The following CSNK2A2IP variants were observed in gnomAD, a reference collection of about 807,000 sequenced individuals.
The protein encoded by CSNK2A2IP is casein kinase II subunit alpha'-interacting protein.
the CSNK2A2IP span, among the ~76,000 whole-genome samples, chr3:88,403,563 C>T: frequency 6.6e-6 from 1 of 152,088 alleles, no homozygotes; most frequent in African/African-American, 2.4e-5. Context: ...AATCATCAGC[C>T]CATCACAGAC....
At chr3:88,442,950 A>G in the CSNK2A2IP span, among the ~76,000 whole-genome samples, 1 of 152,080 alleles carries the variant, frequency 6.6e-6, no homozygotes, top group African/African-American at 2.4e-5. Context: ...TTACAATATA[A>G]ACTTTACATT....
chr3:88,359,754 A>C, the CSNK2A2IP span, among the ~76,000 whole-genome samples: 1 of 152,068 alleles, frequency 6.6e-6, no homozygotes, highest in East Asian at 1.9e-4. Flanking sequence ...AATTTTTATA[A>C]TTTTTTAAAG....
the CSNK2A2IP span, among the ~76,000 whole-genome samples, chr3:88,419,918 T>C: frequency 1.2e-3 from 183 of 152,230 alleles, 1 homozygote; most frequent in African/African-American, 4.3e-3. Context: ...TATTCTTAGA[T>C]CCAGAAGGCT....
chr3:88,426,640 C>T, the CSNK2A2IP span, among the ~76,000 whole-genome samples: 1 of 152,072 alleles, frequency 6.6e-6, no homozygotes, highest in South Asian at 2.1e-4. Flanking sequence ...GGAGTGAGTT[C>T]TCATGAGATC....
At chr3:88,376,796 T>C in the CSNK2A2IP span, among the ~76,000 whole-genome samples, 155 of 151,976 alleles carry the variant, frequency 1.0e-3, no homozygotes, top group African/African-American at 3.4e-3. Flanking sequence ...TACCAAACTT[T>C]TTATTCTAAG....
chr3:88,346,968 T>C, the CSNK2A2IP span, among the ~76,000 whole-genome samples: 1 of 152,050 alleles, frequency 6.6e-6, no homozygotes, highest in South Asian at 2.1e-4. Flanking sequence ...TCATGATTTA[T>C]GGAAAGAGGT....
the CSNK2A2IP span, among the ~76,000 whole-genome samples, chr3:88,363,903 G>T: frequency 1.3e-5 from 2 of 152,162 alleles, no homozygotes; most frequent in Non-Finnish European, 2.9e-5. Flanking sequence ...CTAGGGCATT[G>T]TTCCTGAGGT....
the CSNK2A2IP span, among the ~76,000 whole-genome samples, chr3:88,443,478 G>T: frequency 2.6e-5 from 4 of 152,186 alleles, no homozygotes; most frequent in Non-Finnish European, 5.9e-5. Flanking sequence ...AAAAGTCTTG[G>T]AAGGTATGTA....
chr3:88,413,016 T>A, the CSNK2A2IP span, among the ~76,000 whole-genome samples: 56 of 152,166 alleles, frequency 3.7e-4, 1 homozygote, highest in East Asian at 9.6e-3. Flanking sequence ...GAAGTAGGTA[T>A]CCCTATTTTG....
At chr3:88,459,691 T>A in the CSNK2A2IP span, among the ~76,000 whole-genome samples, 7 of 152,242 alleles carry the variant, frequency 4.6e-5, no homozygotes, top group South Asian at 2.1e-4. Context: ...TGTTTTTGCT[T>A]TCATATGTTT....
the CSNK2A2IP span, among the ~76,000 whole-genome samples, chr3:88,460,468 CGTTAA>C: frequency 6.6e-6 from 1 of 152,158 alleles, no homozygotes; most frequent in Admixed American, 6.5e-5. Flanking sequence ...AACTCTCTCT[CGTTAA>C]GTTTTCATCA....
At chr3:88,441,743 C>T in the CSNK2A2IP span, among the ~76,000 whole-genome samples, 1 of 152,080 alleles carries the variant, frequency 6.6e-6, no homozygotes, top group Non-Finnish European at 1.5e-5. Flanking sequence ...GTAAAGTCTT[C>T]CTTTTTTATT....
At chr3:88,443,537 AGAG>A in the CSNK2A2IP span, among the ~76,000 whole-genome samples, 10 of 152,264 alleles carry the variant, frequency 6.6e-5, no homozygotes, top group African/African-American at 2.4e-4. Flanking sequence ...AGAGCCGAGG[AGAG>A]GAGATGGTGG....
the CSNK2A2IP span, among the ~76,000 whole-genome samples, chr3:88,339,523 T>G: frequency 6.6e-6 from 1 of 152,078 alleles, no homozygotes; most frequent in African/African-American, 2.4e-5. Context: ...AGATACCTCT[T>G]TGATATGTTG....
the CSNK2A2IP span, among the ~76,000 whole-genome samples, chr3:88,405,831 A>G: frequency 6.6e-6 from 1 of 152,112 alleles, no homozygotes; most frequent in East Asian, 1.9e-4. Context: ...ACTCTGTTTC[A>G]TTCTTTATTC....
chr3:88,362,444 C>A, the CSNK2A2IP span, among the ~76,000 whole-genome samples: 5 of 152,108 alleles, frequency 3.3e-5, no homozygotes, highest in Non-Finnish European at 7.4e-5. Context: ...TCTTTCTTCC[C>A]TCACTCTTCC....
chr3:88,465,379 G>A, the CSNK2A2IP span: 3 of 1,231,406 alleles, frequency 2.4e-6, no homozygotes, highest in African/African-American at 4.7e-5. Context: ...AGCATATTAT[G>A]GTCAACACTT....
the CSNK2A2IP span, chr3:88,465,320 G>A: frequency 1.7e-6 from 2 of 1,198,344 alleles, no homozygotes; most frequent in Non-Finnish European, 2.1e-6. Flanking sequence ...ATCCCCACAA[G>A]CCAACTGCTT....
chr3:88,364,357 A>T, the CSNK2A2IP span, among the ~76,000 whole-genome samples: 1 of 151,852 alleles, frequency 6.6e-6, no homozygotes, highest in Non-Finnish European at 1.5e-5. Context: ...AAATCAGGAG[A>T]TTATAAAATA....
Sources: gnomAD v4.1 joint callset for allele counts (sites outside exome capture counted in the v4.1 genomes callset) on GRCh38, gnomAD v4.1.1 for gene constraint, MANE v1.5 for transcripts, NCBI Gene and HGNC (gene_info 2026-07-23, HGNC 2026-07-21) for gene names.